CNTLN: variants seen among roughly 807,000 people sequenced by gnomAD.
The protein encoded by CNTLN is centlein, also known as centlein, centrosomal protein.
In CNTLN, 212 loss-of-function variants were observed where a neutral mutation model predicts 180.0. The observed-to-expected ratio is 1.18, with a 90% confidence interval of 1.05 to 1.32. The LOEUF (loss-of-function observed/expected upper bound fraction) is 1.32. Ranked by LOEUF, CNTLN falls within the 40% of genes most tolerant of loss-of-function variation. The probability of loss-of-function intolerance (pLI) is 0.00; values close to 1 mark genes in which losing one functional copy is unlikely to be tolerated. For missense variants in CNTLN, 2,095 were observed against 1,610.9 expected, an observed-to-expected ratio of 1.30 and a Z score of -5.14; for synonymous variants, 722 against 563.1, an observed-to-expected ratio of 1.28 and a Z score of -3.99.
Position 17,321,199 on chromosome 9 carries a change from A to G in CNTLN, c.1342-9433A>G, listed in dbSNP as rs145938949. Among the ~76,000 whole-genome samples the G allele has an allele frequency of 2.0e-4, 31 of 152,322 alleles. No individual in the cohort carries two copies. The East Asian group carries it at 6.0e-3, about 29-fold the overall frequency. ...TATGTTAGGGAATGAGTGCTATACA[A>G]TATTCGTCACAGTATATTATTTGCC... On this transcript the variant is annotated intron_variant, in intron 8 of 25. Transcript: ENST00000380647.
intron 10 of CNTLN, among the ~76,000 whole-genome samples, chr9:17,335,813 A>G (rs1012522445): frequency 6.6e-6 from 1 of 151,808 alleles, no homozygotes; most frequent in Non-Finnish European, 1.5e-5. Context: ...TAGGTGGTGC[A>G]CACCTGTAAT....
In CNTLN at chr9:17,503,291, T is replaced by C. The variant is rs1833845973; in HGVS notation, c.*639T>C. On this transcript the variant is annotated 3_prime_UTR_variant, in exon 26 of 26. Coordinates refer to ENST00000380647, the MANE Select transcript of CNTLN (RefSeq NM_017738.4). ...CTATACGTTGTGTAGTCATATAAAT[T>C]TGCAGGGAACCACAAACCCAATGTA... 1 of 152,140 alleles carries C rather than the reference T, an allele frequency of 6.6e-6. No individual in the cohort carries two copies. The highest frequency in any genetic ancestry group is 2.4e-5 in the African/African-American group (1 of 41,424). 9.4% of individuals were successfully genotyped at this position (152,140 alleles called of 1,614,324 possible).
chr9:17,408,330 C>T (rs1827570555), intron 15 of CNTLN, among the ~76,000 whole-genome samples: 3 of 152,040 alleles, frequency 2.0e-5, no homozygotes, highest in Admixed American at 1.3e-4. Context: ...CTTCCTGTCT[C>T]CTACCCTTGT....
intron 16 of CNTLN, among the ~76,000 whole-genome samples, chr9:17,415,549 A>G (rs753130457): frequency 6.6e-6 from 1 of 152,110 alleles, no homozygotes. Flanking sequence ...GAATTTTATC[A>G]TCTAGAGTTT....
Position 17,487,057 on chromosome 9 carries a change from T to G in CNTLN, c.4110T>G (p.Leu1370=). The change falls in exon 25 of 26, where the codon CTT becomes CTG. Residue 1370 remains leucine (L), a synonymous_variant. Transcript: ENST00000380647. ...GGATGTTGTACATTCAGAAACTTCT[T>G]GAAGGACAGGTATTTCATTTTTCTG... ...KEWMLYIQKL[L]EGQLPFASYL... 2 of 1,602,418 alleles carry G rather than the reference T, an allele frequency of 1.2e-6. No individual in the cohort carries two copies. The highest frequency in any genetic ancestry group is 1.7e-4 in the Middle Eastern group (1 of 6,020).
chr9:17,252,897 A>G (rs761142098), intron 5 of CNTLN, among the ~76,000 whole-genome samples: 1 of 151,516 alleles, frequency 6.6e-6, no homozygotes, highest in East Asian at 1.9e-4. Context: ...TTCTGTTTCC[A>G]TGTATTACAA....
At chr9:17,474,520 A>C (rs976259094) in intron 23 of CNTLN, among the ~76,000 whole-genome samples, 1 of 152,082 alleles carries the variant, frequency 6.6e-6, no homozygotes, top group Non-Finnish European at 1.5e-5. Flanking sequence ...CTGCCCTTTC[A>C]GCTCTTGATC....
chr9:17,402,141 G>C (rs959948631), intron 15 of CNTLN, among the ~76,000 whole-genome samples: 2 of 151,782 alleles, frequency 1.3e-5, no homozygotes, highest in African/African-American at 4.9e-5. Flanking sequence ...GATTTCTGTT[G>C]ACAACTGTTC....
chr9:17,437,013 A>G (rs1829817017), intron 18 of CNTLN, among the ~76,000 whole-genome samples: 1 of 152,210 alleles, frequency 6.6e-6, no homozygotes, highest in Middle Eastern at 3.2e-3. Context: ...GAGGCTGATG[A>G]AACACAGTGC....
At chr9:17,174,921 C>T (rs1820630887) in intron 2 of CNTLN, among the ~76,000 whole-genome samples, 1 of 152,064 alleles carries the variant, frequency 6.6e-6, no homozygotes, top group African/African-American at 2.4e-5. Context: ...ACATCTTTTC[C>T]TGTATTCATT....
chr9:17,269,472 A>T (rs1827777631), intron 5 of CNTLN, among the ~76,000 whole-genome samples: 1 of 151,768 alleles, frequency 6.6e-6, no homozygotes. Flanking sequence ...TCTAATTTTT[A>T]TTTGTCTCAA....
intron 13 of CNTLN, among the ~76,000 whole-genome samples, chr9:17,374,882 T>C (rs1178902355): frequency 6.7e-6 from 1 of 149,298 alleles, no homozygotes; most frequent in South Asian, 2.1e-4. Context: ...AAAAAGGAAG[T>C]AGAGCTGTGA....
At chr9:17,305,812 T>A (rs1818667437) in intron 7 of CNTLN, among the ~76,000 whole-genome samples, 1 of 152,140 alleles carries the variant, frequency 6.6e-6, no homozygotes, top group African/African-American at 2.4e-5. Flanking sequence ...AGTGATCTCA[T>A]TACTATTAAA....
chr9:17,305,767 C>G (rs991140568), intron 7 of CNTLN, among the ~76,000 whole-genome samples: 2 of 152,158 alleles, frequency 1.3e-5, no homozygotes, highest in African/African-American at 4.8e-5. Context: ...GGCTGGAGGA[C>G]TATCTTTGCT....
intron 13 of CNTLN, among the ~76,000 whole-genome samples, chr9:17,379,203 C>T (rs564221735): frequency 6.6e-6 from 1 of 152,202 alleles, no homozygotes; most frequent in African/African-American, 2.4e-5. Context: ...ACTACTACTG[C>T]ACCTGTATGA....
chr9:17,290,694 T>C (rs907102722), intron 6 of CNTLN, among the ~76,000 whole-genome samples: 8 of 150,650 alleles, frequency 5.3e-5, no homozygotes, highest in African/African-American at 1.9e-4. Flanking sequence ...GAGCCAGGTG[T>C]GGGATATAAT....
chr9:17,485,001 G>C (rs894753508), intron 24 of CNTLN, among the ~76,000 whole-genome samples: 1 of 152,106 alleles, frequency 6.6e-6, no homozygotes, highest in African/African-American at 2.4e-5. Flanking sequence ...CTGTCTGAGT[G>C]AATTTATATG....
At chr9:17,158,645 C>G (rs538034596) in intron 2 of CNTLN, among the ~76,000 whole-genome samples, 1 of 152,046 alleles carries the variant, frequency 6.6e-6, no homozygotes, top group East Asian at 1.9e-4. Flanking sequence ...TCTAGGTTAT[C>G]TAATTTGCTG....
At chr9:17,217,499 A>T (rs545231465) in intron 2 of CNTLN, among the ~76,000 whole-genome samples, 36 of 152,382 alleles carry the variant, frequency 2.4e-4, no homozygotes, top group African/African-American at 8.7e-4. Flanking sequence ...CTCAGGACAC[A>T]GTTTGAAATG....
Sources: allele counts gnomAD v4.1 joint callset (sites outside exome capture counted in the v4.1 genomes callset), GRCh38; gene constraint gnomAD v4.1.1; transcripts MANE v1.5; gene names NCBI Gene and HGNC (gene_info 2026-07-23, HGNC 2026-07-21).